RNF180: variants seen among roughly 807,000 people sequenced by gnomAD.
RNF180 encodes the protein E3 ubiquitin-protein ligase RNF180.
A neutral mutation model predicts 59.2 loss-of-function variants in RNF180; 38 were observed. The ratio of observed to expected loss-of-function variants is 0.64; its 90% CI spans 0.50 to 0.84. The LOEUF is 0.84. Among genes scored for constraint, RNF180 ranks in the 40% least tolerant of loss-of-function variants. RNF180 has a pLI of 0.00. For synonymous variants in RNF180, 262 were observed against 240.3 expected (o/e 1.09, Z -0.84); for missense variants, 705 against 700.9 (o/e 1.01, Z -0.07).
chr5:64,296,973 T>G (rs1021588419), intron 5 of RNF180, among the ~76,000 whole-genome samples: 2 of 152,110 alleles, frequency 1.3e-5, no homozygotes, highest in African/African-American at 2.4e-5. Flanking sequence ...TCTTATAAAC[T>G]TACACAAAGG....
At chr5:64,234,948 T>C (rs145365952) in intron 5 of RNF180, among the ~76,000 whole-genome samples, 1,658 of 152,178 alleles carry the variant, frequency 0.011, 20 homozygotes, top group Non-Finnish European at 0.016. Context: ...GTTTAAGATA[T>C]TCCTTTAAAG....
intron 1 of RNF180, among the ~76,000 whole-genome samples, chr5:64,170,884 G>C (rs190458646): frequency 6.6e-6 from 1 of 152,090 alleles, no homozygotes; most frequent in Non-Finnish European, 1.5e-5. Flanking sequence ...AAGACATTTC[G>C]AGAACACCCA....
chr5:64,233,628 A>C (rs1742231162), intron 5 of RNF180, among the ~76,000 whole-genome samples: 1 of 152,158 alleles, frequency 6.6e-6, no homozygotes, highest in Admixed American at 6.5e-5. Context: ...AAGGAAACTG[A>C]TAGGATTGGG....
At chr5:64,196,160 A>G (rs907994496) in intron 1 of RNF180, among the ~76,000 whole-genome samples, 2 of 151,938 alleles carry the variant, frequency 1.3e-5, no homozygotes, top group African/African-American at 2.4e-5. Flanking sequence ...CTAAAAACCA[A>G]AAATGATGTC....
chr5:64,207,512 A>G (rs1452714419), intron 2 of RNF180, among the ~76,000 whole-genome samples: 1 of 152,166 alleles, frequency 6.6e-6, no homozygotes, highest in African/African-American at 2.4e-5. Context: ...GTGTTGTTCA[A>G]ATCATGTATG....
intron 5 of RNF180, among the ~76,000 whole-genome samples, chr5:64,252,046 A>G (rs554664454): frequency 1.8e-4 from 27 of 152,300 alleles, no homozygotes; most frequent in South Asian, 6.2e-4. Context: ...AAAAATCCCT[A>G]ATATTTATAT....
At chr5:64,180,750 C>G (rs183090586) in intron 1 of RNF180, among the ~76,000 whole-genome samples, 1 of 152,154 alleles carries the variant, frequency 6.6e-6, no homozygotes, top group Non-Finnish European at 1.5e-5. Flanking sequence ...CTTCTACCAA[C>G]GGCAAAATGG....
intron 1 of RNF180, among the ~76,000 whole-genome samples, chr5:64,192,769 A>G (rs564043634): frequency 9.3e-4 from 141 of 151,868 alleles, no homozygotes; most frequent in African/African-American, 3.2e-3. Context: ...GTATATACAG[A>G]ATAATTGAAG....
chr5:64,239,866 G>A (rs187010927), intron 5 of RNF180, among the ~76,000 whole-genome samples: 1 of 152,192 alleles, frequency 6.6e-6, no homozygotes, highest in African/African-American at 2.4e-5. Flanking sequence ...GTTCTACTTG[G>A]CATTACAATT....
chr5:64,297,331 G>T (rs750714134), intron 5 of RNF180, among the ~76,000 whole-genome samples: 3 of 152,064 alleles, frequency 2.0e-5, no homozygotes, highest in Admixed American at 6.6e-5. Flanking sequence ...TATAGAAAGT[G>T]CCAAGGCCTA....
intron 1 of RNF180, among the ~76,000 whole-genome samples, chr5:64,181,996 T>TG (rs1357369115): frequency 2.8e-5 from 4 of 143,778 alleles, no homozygotes; most frequent in Non-Finnish European, 6.1e-5. Context: ...CTTTTTTTTT[T>TG]TTTTTTTTTT....
chr5:64,249,630 T>C (rs1743431834), intron 5 of RNF180, among the ~76,000 whole-genome samples: 1 of 151,824 alleles, frequency 6.6e-6, no homozygotes. Context: ...GGATAGAAAA[T>C]GATATTCCAT....
chr5:64,287,807 G>A (rs1231550532), intron 5 of RNF180, among the ~76,000 whole-genome samples: 2 of 151,982 alleles, frequency 1.3e-5, no homozygotes, highest in Non-Finnish European at 2.9e-5. Context: ...TGTAGACTCT[G>A]GATATTAGAT....
intron 7 of RNF180, among the ~76,000 whole-genome samples, chr5:64,357,291 AAT>A (rs565964611): frequency 9.2e-4 from 140 of 151,964 alleles, no homozygotes; most frequent in Non-Finnish European, 1.8e-3. Flanking sequence ...TGTGACTATA[AAT>A]ATATCTCTCC....
At chr5:64,359,549 G>A (rs1388145073) in intron 7 of RNF180, among the ~76,000 whole-genome samples, 1 of 152,024 alleles carries the variant, frequency 6.6e-6, no homozygotes, top group Non-Finnish European at 1.5e-5. Context: ...TTTGTCAGAT[G>A]AGTAGGTTGT....
intron 5 of RNF180, among the ~76,000 whole-genome samples, chr5:64,297,731 A>T (rs1742959511): frequency 6.6e-6 from 1 of 152,102 alleles, no homozygotes; most frequent in Admixed American, 6.6e-5. Flanking sequence ...CCTGACTTCG[A>T]AGTTGAGTTC....
chr5:64,324,246 G>A (rs950792405), intron 5 of RNF180, among the ~76,000 whole-genome samples: 1 of 152,164 alleles, frequency 6.6e-6, no homozygotes, highest in Non-Finnish European at 1.5e-5. Flanking sequence ...TCTCCTGGCA[G>A]CTCAGGGTAC....
chr5:64,174,956 G>GTTTTTT (rs1750146672), intron 1 of RNF180, among the ~76,000 whole-genome samples: 2 of 102,596 alleles, frequency 1.9e-5, no homozygotes, highest in African/African-American at 4.6e-5. Flanking sequence ...CTTTAATCCA[G>GTTTTTT]TTCTTTTTTT....
At chr5:64,285,510 G>T (rs1444334478) in intron 5 of RNF180, among the ~76,000 whole-genome samples, 4 of 151,894 alleles carry the variant, frequency 2.6e-5, no homozygotes, top group African/African-American at 4.8e-5. Flanking sequence ...TTGCAGTGGG[G>T]GTAGACCACA....
Sources: gnomAD v4.1 joint callset for allele counts (sites outside exome capture counted in the v4.1 genomes callset) on GRCh38, gnomAD v4.1.1 for gene constraint, MANE v1.5 for transcripts, NCBI Gene and HGNC (gene_info 2026-07-23, HGNC 2026-07-21) for gene names.